Variants in PKD2L2 observed in about 807,000 individuals in gnomAD.
PKD2L2 encodes polycystin-2-like protein 2.
In PKD2L2, 67 loss-of-function variants were observed where a neutral mutation model predicts 83.9. The ratio of observed to expected loss-of-function variants is 0.80; its 90% CI spans 0.66 to 0.98. PKD2L2 has a LOEUF of 0.98. Ranked by LOEUF, PKD2L2 falls within the 50% of genes least tolerant of loss-of-function variation. The pLI is 0.00. For synonymous variants in PKD2L2, 223 were observed against 237.8 expected (o/e 0.94, Z 0.57); for missense variants, 632 against 717.2 (o/e 0.88, Z 1.36).
chr5:137,923,348 CAAAACTTGTT>C lies in PKD2L2; in HGVS notation c.1450-68_1450-59del. On this transcript the variant is annotated intron_variant, in intron 9 of 14. Transcript: ENST00000508883. ...AAATTTAAATATAATTTTACAAACC[CAAAACTTGTT>C]AAAGTCATTAACATTTAAACTAAAT... 3 of 794,212 alleles carry C rather than the reference CAAAACTTGTT, an allele frequency of 3.8e-6. No individual in the cohort carries two copies. The South Asian group carries it at 4.7e-5, about 13-fold the overall frequency. The allele number at this position is 794,212 out of a possible 1,614,324, so 49.2% of individuals were successfully genotyped here. A position where few individuals can be genotyped will look rare whatever the true frequency, so the allele number is the denominator to read the frequency against.
intron 8 of PKD2L2, among the ~76,000 whole-genome samples, chr5:137,915,584 G>A (rs374490888): frequency 4.7e-4 from 71 of 152,054 alleles, no homozygotes; most frequent in African/African-American, 1.4e-3. Flanking sequence ...CACCATGCCC[G>A]GCTAATTTTT....
chr5:137,908,165 T>C (rs1580924329), intron 7 of PKD2L2, among the ~76,000 whole-genome samples: 1 of 151,780 alleles, frequency 6.6e-6, no homozygotes, highest in African/African-American at 2.4e-5. Context: ...AAATATTAAC[T>C]GGGTGTGGTG....
intron 8 of PKD2L2, among the ~76,000 whole-genome samples, chr5:137,913,184 CTTT>C (rs35984179): frequency 3.8e-5 from 4 of 104,834 alleles, no homozygotes; most frequent in Admixed American, 1.0e-4. Context: ...CTTCTTTTTT[CTTT>C]TTTTTTTTTT....
intron 7 of PKD2L2, 87 bp from the exon 8 acceptor site, chr5:137,908,678 C>T (rs1047775044): frequency 4.0e-5 from 27 of 668,748 alleles, no homozygotes; most frequent in African/African-American, 1.7e-4. Flanking sequence ...TCCTTTAATT[C>T]GAAGCAGAAT....
At position 137,942,538 on chromosome 5, in the gene PKD2L2, A is replaced by T. The variant is rs1187432022; in HGVS notation, c.*172A>T. The T allele has an allele frequency of 4.4e-6, 1 of 228,312 alleles. No individual in the cohort carries two copies. Among genetic ancestry groups the T allele is most frequent in the African/African-American group, 2.3e-5 (1 of 43,204 alleles). The allele number at this position is 228,312 out of a possible 1,614,324, so 14.1% of individuals were successfully genotyped here. A position where few individuals can be genotyped will look rare whatever the true frequency, so the allele number is the denominator to read the frequency against. On this transcript the variant is annotated 3_prime_UTR_variant, in exon 15 of 15. Transcript: ENST00000508883. ...ACCACCCCTGGCTAATTTAAACAAAATTTTTATACAGTCTGGGTCCCACTA... is the reference window on the plus strand; with the variant it reads ...ACCACCCCTGGCTAATTTAAACAAATTTTTTATACAGTCTGGGTCCCACTA...
Position 137,907,818 on chromosome 5 carries a change from G to A in PKD2L2, c.1052G>A (p.Ser351Asn), listed in dbSNP as rs1435405110. The change falls in exon 7 of 15, where the codon AGT becomes AAT. Residue 351 changes from serine (S) to asparagine (N), a missense_variant. This residue lies in a region of PKD2L2 where 399 missense variants were observed against 416.9 expected (regional missense o/e 0.96). Transcript: ENST00000508883. Reference sequence around the variant, plus strand: ...CTCTTACTTGGACAGCTGTTGAAAAGTACTGAAAAATATTCAGATTTCTAT... The same window carrying A: ...CTCTTACTTGGACAGCTGTTGAAAAATACTGAAAAATATTCAGATTTCTAT... ...IFLLLGQLLK[S>N]TEKYSDFYFL... The A allele has an allele frequency of 1.3e-6, 2 of 1,578,602 alleles. No homozygotes were observed. Among genetic ancestry groups the A allele is most frequent in the African/African-American group, 1.3e-5 (1 of 74,204 alleles).
At chr5:137,909,017 T>A in intron 8 of PKD2L2, 71 bp downstream of exon 8, 1 of 806,480 alleles carries the variant, frequency 1.2e-6, no homozygotes, top group Non-Finnish European at 2.0e-6. Context: ...AGGTCTAACC[T>A]TCTATGATAA....
At chr5:137,910,367 G>T (rs1268340346) in intron 8 of PKD2L2, among the ~76,000 whole-genome samples, 1 of 151,966 alleles carries the variant, frequency 6.6e-6, no homozygotes, top group African/African-American at 2.4e-5. Flanking sequence ...GGAAAGGGAA[G>T]TATAAAGCAC....
Position 137,889,489 on chromosome 5 carries a change from G to C in PKD2L2, c.-3G>C. 6.4e-7 allele frequency: 1 copy of C among 1,570,370 alleles called. No homozygotes were observed. The highest frequency in any genetic ancestry group is 1.9e-5 in the Admixed American group (1 of 51,752). ...CGAACGGGCGGTGTAGTGCAGGTCCGCCATGGCTGAGGCGTCACGGTGGCA... is the reference window on the plus strand; with the variant it reads ...CGAACGGGCGGTGTAGTGCAGGTCCCCCATGGCTGAGGCGTCACGGTGGCA... On this transcript the variant is annotated 5_prime_UTR_variant, in exon 1 of 15. Coordinates refer to ENST00000508883, the MANE Select transcript of PKD2L2 (RefSeq NM_001300921.2).
chr5:137,921,656 T>A lies in PKD2L2; in HGVS notation c.1349T>A (p.Val450Asp). The change falls in exon 9 of 15, where the codon GTT becomes GAT. Residue 450 changes from valine to aspartate, a missense_variant. Around this residue, in one of 3 missense-constraint regions of PKD2L2, gnomAD observed 399 missense variants for 416.9 expected, o/e 0.96. Transcript: ENST00000508883. The stretch of plus-strand genomic sequence containing the variant: ...TAAAGATTTGCACAATTTCGAATTG[T>A]TCTTGGAGATTTTAATTTTGCTGGT... The part of the protein sequence containing the change: ...QNSIFAQFRI[V>D]LGDFNFAGIQ... The A allele has an allele frequency of 6.3e-7, 1 of 1,595,068 alleles. No individual in the cohort carries two copies. Among genetic ancestry groups the A allele is most frequent in the Non-Finnish European group, 8.6e-7 (1 of 1,166,912 alleles).
At chr5:137,901,284 T>G (rs868547214) in intron 5 of PKD2L2, among the ~76,000 whole-genome samples, 1 of 152,188 alleles carries the variant, frequency 6.6e-6, no homozygotes, top group African/African-American at 2.4e-5. Context: ...AATGTCAAGA[T>G]AGCAGAAGTA....
At chr5:137,912,775 T>A (rs1757945173) in intron 8 of PKD2L2, among the ~76,000 whole-genome samples, 1 of 151,838 alleles carries the variant, frequency 6.6e-6, no homozygotes, top group East Asian at 1.9e-4. Flanking sequence ...TTTGTCCATT[T>A]TTAAATTGGA....
intron 8 of PKD2L2, among the ~76,000 whole-genome samples, chr5:137,917,392 G>A (rs866034348): frequency 1.3e-5 from 2 of 152,074 alleles, no homozygotes; most frequent in Non-Finnish European, 1.5e-5. Flanking sequence ...TGGAACTCCT[G>A]CCCTCAGGTG....
Position 137,921,649 on chromosome 5 carries a change from C to T in PKD2L2, c.1342C>T (p.Arg448Ter), listed in dbSNP as rs201700977. 15 of 1,588,454 alleles carry T rather than the reference C, an allele frequency of 9.4e-6. No individual in the cohort carries two copies. Among genetic ancestry groups the T allele is most frequent in the South Asian group, 1.1e-5 (1 of 88,100 alleles). ...TFQNSIFAQF[R>*]IVLGDFNFAG... ...TCTTTCTTAAAGATTTGCACAATTT[C>T]GAATTGTTCTTGGAGATTTTAATTT... Residue 448 changes from arginine (R) to a stop codon, truncating the protein, a stop_gained, in exon 9 of 15, where the codon CGA becomes TGA. Transcript: ENST00000508883. LOFTEE classifies it high-confidence loss of function.
chr5:137,923,304 C>T (rs892992338), intron 9 of PKD2L2, 116 bp from the exon 10 acceptor site: 6 of 579,054 alleles, frequency 1.0e-5, no homozygotes, highest in Middle Eastern at 4.9e-4. Flanking sequence ...CGTGAGCCAC[C>T]GCACCTGGCC....
intron 5 of PKD2L2, among the ~76,000 whole-genome samples, chr5:137,902,936 A>G (rs192360061): frequency 6.6e-6 from 1 of 152,354 alleles, no homozygotes; most frequent in Non-Finnish European, 1.5e-5. Context: ...GGTTACAACC[A>G]AAAGTCTCCT....
At chr5:137,896,360 A>G (rs1756471562) in intron 4 of PKD2L2, among the ~76,000 whole-genome samples, 1 of 152,120 alleles carries the variant, frequency 6.6e-6, no homozygotes, top group Non-Finnish European at 1.5e-5. Flanking sequence ...TCTAAATTAC[A>G]TTCTCATACT....
At chr5:137,936,013 A>T (rs1760312125) in intron 13 of PKD2L2, 104 bp downstream of exon 13, 1 of 720,452 alleles carries the variant, frequency 1.4e-6, no homozygotes, top group Non-Finnish European at 2.4e-6. Context: ...TTACTCTATT[A>T]GGATGCCTTT....
intron 10 of PKD2L2, 86 bp downstream of exon 10, chr5:137,923,607 A>T: frequency 1.3e-6 from 1 of 754,794 alleles, no homozygotes; most frequent in African/African-American, 1.7e-5. Context: ...ACTTAATTCC[A>T]AGTGGTCGTG....
Sources: allele counts gnomAD v4.1 joint callset (sites outside exome capture counted in the v4.1 genomes callset), GRCh38; gene constraint gnomAD v4.1.1; regional missense constraint gnomAD v4.1.1; transcripts MANE v1.5; gene names NCBI Gene and HGNC (gene_info 2026-07-23, HGNC 2026-07-21).